Variants in MACROD2 observed in about 807,000 individuals in gnomAD.
The protein encoded by MACROD2 is mono-ADP ribosylhydrolase 2, also known as ADP-ribose glycohydrolase MACROD2.
Under a neutral mutation model 70.4 loss-of-function variants are expected in MACROD2, and 36 were observed. The observed-to-expected ratio is 0.51, with a 90% CI of 0.39 to 0.68. The LOEUF (loss-of-function observed/expected upper bound fraction) is 0.68, where lower values mean the gene tolerates loss of function less well. Ranked by LOEUF, MACROD2 falls within the 30% of genes least tolerant of loss-of-function variation. The pLI is 0.00. For missense variants in MACROD2, 496 were observed against 538.4 expected, an observed-to-expected ratio of 0.92 and a Z score of 0.78; for synonymous variants, 172 against 178.8, an observed-to-expected ratio of 0.96 and a Z score of 0.30.
Position 14,493,495 on chromosome 20 carries a change from TGGA to T in MACROD2, c.297_299del (p.Gly100del). 6.2e-7 allele frequency: 1 copy of T among 1,609,126 alleles called. No individual in the cohort carries two copies. The highest frequency in any genetic ancestry group is 8.5e-7 in the Non-Finnish European group (1 of 1,176,600). On this transcript the variant is annotated inframe_deletion, in exon 4 of 18. Transcript: ENST00000684519. ...TTTAAACAGCAAATGCCAGTCTTCT[TGGA>T]GGAGGAGGTGGTAAGTCCTGAACAT...
intron 8 of MACROD2, among the ~76,000 whole-genome samples, chr20:15,801,805 A>G (rs1313618145): frequency 6.6e-6 from 1 of 152,056 alleles, no homozygotes; most frequent in Non-Finnish European, 1.5e-5. Context: ...GGACATTTTT[A>G]TTATATCAGT....
In MACROD2 at chr20:14,950,571, A is replaced by G. The variant is rs2074467655; in HGVS notation, c.418+265612A>G. Among the ~76,000 whole-genome samples, 6 of 152,296 alleles carry G rather than the reference A, an allele frequency of 3.9e-5. No homozygotes were observed. In the South Asian group the frequency reaches 1.2e-3, roughly 32 times the overall value. ...GAACTAGAGACATAGGCAAGCCCAC[A>G]TTAGGTATTATTTTGTTTTGTTAGG... On this transcript the variant is annotated intron_variant, in intron 5 of 17. Coordinates refer to ENST00000684519, the MANE Select transcript of MACROD2 (RefSeq NM_001351661.2).
intron 5 of MACROD2, among the ~76,000 whole-genome samples, chr20:15,216,986 A>T (rs2076815977): frequency 6.6e-6 from 1 of 152,208 alleles, no homozygotes; most frequent in African/African-American, 2.4e-5. Context: ...AACAAATTAA[A>T]AACATTTGGA....
At chr20:14,537,768 G>A (rs1264390428) in intron 4 of MACROD2, among the ~76,000 whole-genome samples, 2 of 152,124 alleles carry the variant, frequency 1.3e-5, no homozygotes, top group African/African-American at 4.8e-5. Flanking sequence ...AGGAAAAGTT[G>A]GAAATGGCAC....
intron 5 of MACROD2, among the ~76,000 whole-genome samples, chr20:14,877,501 G>A (rs1329190659): frequency 1.3e-5 from 2 of 151,984 alleles, no homozygotes; most frequent in African/African-American, 2.4e-5. Context: ...GAATAGGAGT[G>A]GTGAGAGAGG....
intron 8 of MACROD2, among the ~76,000 whole-genome samples, chr20:15,823,759 A>C (rs2063967252): frequency 6.6e-6 from 1 of 152,172 alleles, no homozygotes; most frequent in Non-Finnish European, 1.5e-5. Context: ...ATGGCTGTGT[A>C]ATTGTCAGAA....
chr20:14,703,359 G>A (rs895228585), intron 5 of MACROD2, among the ~76,000 whole-genome samples: 7 of 152,074 alleles, frequency 4.6e-5, no homozygotes, highest in South Asian at 4.1e-4. Context: ...ACAAAGTCAC[G>A]CAGGAATATT....
chr20:16,015,245 G>A (rs1409908818), intron 15 of MACROD2, among the ~76,000 whole-genome samples: 4 of 152,138 alleles, frequency 2.6e-5, no homozygotes, highest in African/African-American at 9.7e-5. Flanking sequence ...AATACCATGT[G>A]TTAAGTATAC....
At chr20:15,796,790 C>T (rs939315366) in intron 8 of MACROD2, among the ~76,000 whole-genome samples, 9 of 152,168 alleles carry the variant, frequency 5.9e-5, no homozygotes, top group African/African-American at 1.7e-4. Flanking sequence ...TGAATTGACA[C>T]GATTCTAGCC....
intron 5 of MACROD2, among the ~76,000 whole-genome samples, chr20:14,754,117 G>A (rs576077288): frequency 6.6e-6 from 1 of 152,122 alleles, no homozygotes; most frequent in Admixed American, 6.5e-5. Flanking sequence ...TTTAATAAAT[G>A]TTTTTTATAT....
intron 8 of MACROD2, among the ~76,000 whole-genome samples, chr20:15,670,649 A>G (rs1274914812): frequency 6.6e-6 from 1 of 152,240 alleles, no homozygotes; most frequent in Non-Finnish European, 1.5e-5. Context: ...CAGTTTGGAA[A>G]TGAAGACACA....
chr20:14,529,349 C>T (rs76922416), intron 4 of MACROD2, among the ~76,000 whole-genome samples: 3 of 152,200 alleles, frequency 2.0e-5, no homozygotes, highest in African/African-American at 7.2e-5. Context: ...TTTCATCTTT[C>T]TGCCCTGCCA....
At chr20:14,325,175 G>A (rs559337911) in intron 3 of MACROD2, 1 of 156,114 alleles carries the variant, frequency 6.4e-6, no homozygotes, top group African/African-American at 2.4e-5. Context: ...TATACTACAA[G>A]GATCTCATAT....
At position 14,564,516 on chromosome 20, in the gene MACROD2, ACT is replaced by A. The variant is rs576611538; in HGVS notation, c.301+71011_301+71012del. 8.4e-3 allele frequency among the ~76,000 whole-genome samples: 1,279 copies of A among 152,034 alleles called. 15 individuals carry two copies. Among genetic ancestry groups the A allele is most frequent in the Non-Finnish European group, 0.012 (807 of 67,912 alleles). On this transcript the variant is annotated intron_variant, in intron 4 of 17. Transcript: ENST00000684519. Reference sequence around the variant, plus strand: ...TAACTCAACAAGAAAAAAACAAATAACTCTGTTAAAAAGTGGGCAAAGGACAT... The same window carrying A: ...TAACTCAACAAGAAAAAAACAAATAACTGTTAAAAAGTGGGCAAAGGACAT...
chr20:15,921,327 C>G (rs1418304656), intron 10 of MACROD2, among the ~76,000 whole-genome samples: 1 of 152,238 alleles, frequency 6.6e-6, no homozygotes, highest in East Asian at 1.9e-4. Context: ...CCTCTTTCCT[C>G]AACTCATCCT....
At chr20:15,961,836 T>C (rs1418016958) in intron 12 of MACROD2, among the ~76,000 whole-genome samples, 2 of 152,186 alleles carry the variant, frequency 1.3e-5, no homozygotes, top group Admixed American at 6.5e-5. Context: ...TATTTTTTAA[T>C]GTTATCAAGA....
chr20:15,588,992 G>A (rs1348484931), intron 8 of MACROD2, among the ~76,000 whole-genome samples: 5 of 152,124 alleles, frequency 3.3e-5, no homozygotes, highest in South Asian at 2.1e-4. Flanking sequence ...GTATTAGTCC[G>A]TTTTCACACT....
chr20:14,595,183 C>A (rs1982040435), intron 4 of MACROD2, among the ~76,000 whole-genome samples: 1 of 152,108 alleles, frequency 6.6e-6, no homozygotes, highest in Non-Finnish European at 1.5e-5. Flanking sequence ...TGTTGTAGGA[C>A]TCTCTCCTTA....
chr20:15,267,966 G>C (rs889842441), intron 6 of MACROD2, among the ~76,000 whole-genome samples: 1 of 152,174 alleles, frequency 6.6e-6, no homozygotes, highest in Non-Finnish European at 1.5e-5. Flanking sequence ...TCACCCTTCT[G>C]TGTGTCCACG....
Sources: allele counts gnomAD v4.1 joint callset (sites outside exome capture counted in the v4.1 genomes callset), GRCh38; gene constraint gnomAD v4.1.1; transcripts MANE v1.5; gene names NCBI Gene and HGNC (gene_info 2026-07-23, HGNC 2026-07-21).